Variants in NALF1 observed in about 807,000 individuals in gnomAD.
NALF1 encodes the protein family with sequence similarity 155 member A.
Under a neutral mutation model 48.4 loss-of-function variants are expected in NALF1, and 3 were observed. The observed-to-expected ratio is 0.06, with a 90% CI of 0.03 to 0.16. The LOEUF (loss-of-function observed/expected upper bound fraction) is 0.16, where lower values mean the gene tolerates loss of function less well. Ranked by LOEUF, NALF1 falls within the 10% of genes least tolerant of loss-of-function variation. The pLI is 1.00. For missense variants in NALF1, 526 were observed against 571.5 expected (o/e 0.92, Z 0.81); for synonymous variants, 262 against 245.7 (o/e 1.07, Z -0.62).
At chr13:107,851,806 T>A (rs79428438) in intron 1 of NALF1, among the ~76,000 whole-genome samples, 209 of 17,956 alleles carry the variant, frequency 0.012, 6 homozygotes, top group East Asian at 0.027. Context: ...AGGCCCTTTC[T>A]TTTTTTTTTT....
chr13:107,616,025 T>G (rs1298774341), intron 1 of NALF1, among the ~76,000 whole-genome samples: 1 of 152,146 alleles, frequency 6.6e-6, no homozygotes, highest in African/African-American at 2.4e-5. Context: ...AGCAAGTGTA[T>G]CTGAAGGTCC....
chr13:107,860,434 G>A (rs1231379494), intron 1 of NALF1, among the ~76,000 whole-genome samples: 1 of 152,096 alleles, frequency 6.6e-6, no homozygotes, highest in East Asian at 1.9e-4. Context: ...TCCCAACCTT[G>A]GCTGCACATC....
chr13:107,510,184 G>C (rs1162037917), intron 1 of NALF1, among the ~76,000 whole-genome samples: 2 of 152,104 alleles, frequency 1.3e-5, no homozygotes, highest in Non-Finnish European at 2.9e-5. Context: ...AAATATGTTT[G>C]TGATGATCAT....
At chr13:107,565,065 CAAAA>C (rs71754551) in intron 1 of NALF1, among the ~76,000 whole-genome samples, 1 of 23,196 alleles carries the variant, frequency 4.3e-5, no homozygotes, top group Non-Finnish European at 7.5e-5. Context: ...GTGATATCTG[CAAAA>C]AAAAAAAAAA....
intron 1 of NALF1, among the ~76,000 whole-genome samples, chr13:107,220,356 G>A (rs1203321783): frequency 3.3e-5 from 5 of 152,182 alleles, no homozygotes; most frequent in Admixed American, 1.3e-4. Context: ...ATTGTGTCAC[G>A]TGGTTCTTTA....
intron 1 of NALF1, among the ~76,000 whole-genome samples, chr13:107,736,666 A>G (rs952434768): frequency 6.6e-6 from 1 of 152,164 alleles, no homozygotes; most frequent in African/African-American, 2.4e-5. Flanking sequence ...TCTTCTTTTC[A>G]GCTCAATCCT....
At chr13:107,836,803 C>A (rs747968398) in intron 1 of NALF1, among the ~76,000 whole-genome samples, 17 of 152,030 alleles carry the variant, frequency 1.1e-4, no homozygotes, top group Non-Finnish European at 1.9e-4. Flanking sequence ...TTGGAAATGG[C>A]GAAGCTCTTT....
At position 107,813,429 on chromosome 13, in the gene NALF1, C is replaced by A. The variant is rs561050591; in HGVS notation, c.915+52253G>T. On this transcript the variant is annotated intron_variant, in intron 1 of 2. Coordinates refer to ENST00000375915, the MANE Select transcript of NALF1 (RefSeq NM_001080396.3). ...TTAATTCCTCCTGTAACATTAATTT[C>A]ATGTTGTAAAGCTCAAAAATAAGTT... 2.8e-4 allele frequency among the ~76,000 whole-genome samples: 42 copies of A among 152,266 alleles called. No homozygotes were observed. In the East Asian group the frequency reaches 7.7e-3, roughly 28 times the overall value.
chr13:107,308,303 A>G (rs1207087207), intron 1 of NALF1, among the ~76,000 whole-genome samples: 1 of 144,530 alleles, frequency 6.9e-6, no homozygotes, highest in Non-Finnish European at 1.5e-5. Flanking sequence ...CCGGGTTCAC[A>G]CCATTCTCCT....
chr13:107,855,843 A>G (rs1430824722), intron 1 of NALF1, among the ~76,000 whole-genome samples: 1 of 152,206 alleles, frequency 6.6e-6, no homozygotes, highest in Non-Finnish European at 1.5e-5. Flanking sequence ...GGAATGAATA[A>G]TATATGGATG....
intron 1 of NALF1, among the ~76,000 whole-genome samples, chr13:107,666,894 TATC>T (rs1476843107): frequency 2.6e-5 from 4 of 152,144 alleles, no homozygotes; most frequent in African/African-American, 7.2e-5. Context: ...ACTGATGTCT[TATC>T]ATTCTCAGTG....
At chr13:107,221,729 C>G (rs1397801276) in intron 1 of NALF1, among the ~76,000 whole-genome samples, 1 of 152,078 alleles carries the variant, frequency 6.6e-6, no homozygotes, top group Non-Finnish European at 1.5e-5. Flanking sequence ...GCAATATGGA[C>G]AAAGTCCCAC....
At chr13:107,489,518 G>A (rs577910053) in intron 1 of NALF1, among the ~76,000 whole-genome samples, 1 of 151,944 alleles carries the variant, frequency 6.6e-6, no homozygotes, top group Non-Finnish European at 1.5e-5. Context: ...CAAGCAATAG[G>A]GAAAGGATTC....
rs957699542 is a variant in NALF1 at position 107,537,346 on chromosome 13, G to A, written c.916-326591C>T. Among the ~76,000 whole-genome samples the A allele has an allele frequency of 4.6e-5, 7 of 152,036 alleles. No homozygotes were observed. In the South Asian group the frequency reaches 1.0e-3, roughly 23 times the overall value. On this transcript the variant is annotated intron_variant, in intron 1 of 2. Coordinates refer to ENST00000375915, the MANE Select transcript of NALF1 (RefSeq NM_001080396.3). Reference sequence around the variant, plus strand: ...ATGCCACTAGTTTTATAACTGAGATGTAATATTTGATTAATATTTAGCTTT... The same window carrying A: ...ATGCCACTAGTTTTATAACTGAGATATAATATTTGATTAATATTTAGCTTT...
chr13:107,475,316 A>T (rs557122496), intron 1 of NALF1, among the ~76,000 whole-genome samples: 2 of 152,330 alleles, frequency 1.3e-5, no homozygotes, highest in African/African-American at 2.4e-5. Context: ...AACACAAGAC[A>T]GCACATTACT....
chr13:107,492,571 G>C (rs1319210800), intron 1 of NALF1, among the ~76,000 whole-genome samples: 2 of 151,996 alleles, frequency 1.3e-5, no homozygotes, highest in Non-Finnish European at 2.9e-5. Context: ...TCAACAGCTT[G>C]CTATGATATC....
intron 1 of NALF1, among the ~76,000 whole-genome samples, chr13:107,290,955 G>C (rs577623552): frequency 2.0e-5 from 3 of 152,106 alleles, no homozygotes; most frequent in South Asian, 4.2e-4. Context: ...TGAAGATTTA[G>C]AGTATCCTGA....
intron 1 of NALF1, among the ~76,000 whole-genome samples, chr13:107,258,261 T>C (rs1338047881): frequency 6.6e-6 from 1 of 152,212 alleles, no homozygotes; most frequent in Non-Finnish European, 1.5e-5. Flanking sequence ...GACATAAATG[T>C]GGGCATTATT....
At chr13:107,388,603 G>GA (rs1429535984) in intron 1 of NALF1, among the ~76,000 whole-genome samples, 1 of 152,056 alleles carries the variant, frequency 6.6e-6, no homozygotes, top group African/African-American at 2.4e-5. Flanking sequence ...ACAAACTAAA[G>GA]AAAAAATAAA....
Sources: allele counts gnomAD v4.1 joint callset (sites outside exome capture counted in the v4.1 genomes callset), GRCh38; gene constraint gnomAD v4.1.1; transcripts MANE v1.5; gene names NCBI Gene and HGNC (gene_info 2026-07-23, HGNC 2026-07-21).